ASPSCR1: variants seen among roughly 807,000 people sequenced by gnomAD.
ASPSCR1 encodes the protein ASPSCR1 tether for SLC2A4, UBX domain containing.
A neutral mutation model predicts 68.9 loss-of-function variants in ASPSCR1; 55 were observed. The observed-to-expected ratio is 0.80, with a 90% confidence interval of 0.64 to 1.00. ASPSCR1 has a LOEUF of 1.00. Ranked by LOEUF, ASPSCR1 falls within the 50% of genes least tolerant of loss-of-function variation. The pLI is 0.00. For synonymous variants in ASPSCR1, 352 were observed against 332.6 expected (o/e 1.06, Z -0.63); for missense variants, 765 against 762.2 (o/e 1.00, Z -0.04).
intron 4 of ASPSCR1, among the ~76,000 whole-genome samples, chr17:81,992,114 G>A (rs960670321): frequency 6.6e-6 from 1 of 152,226 alleles, no homozygotes; most frequent in Non-Finnish European, 1.5e-5. Flanking sequence ...CCGCGGAAGC[G>A]CCCCAAAGCA....
In ASPSCR1 at chr17:81,990,873, T is replaced by C. The variant is rs2042139687; in HGVS notation, c.375-3948T>C. ...AGGCACTAGCCCCAGGAGGTCATAC[T>C]GTGACTCGGGGGATACTGTAGCACG... is the stretch of plus-strand genomic sequence containing the variant. On this transcript the variant is annotated intron_variant, in intron 4 of 15. Coordinates refer to ENST00000306739, the MANE Select transcript of ASPSCR1 (RefSeq NM_024083.4). This position sits in a 1 kb window ranked among gnomAD's most constrained non-coding sequence, Gnocchi z 4.1. Among the ~76,000 whole-genome samples the C allele has an allele frequency of 6.6e-6, 1 of 152,138 alleles. No individual in the cohort carries two copies.
rs2042464321 is a variant in ASPSCR1, at chr17:81,999,671, CTG to C, written c.933+2828_933+2829del. On this transcript the variant is annotated intron_variant, in intron 7 of 15. Transcript: ENST00000306739. This position sits in a 1 kb window ranked among gnomAD's most constrained non-coding sequence, Gnocchi z 4.4. ...AAAACAAGAAGTGGCCAGGAGGGCT[CTG>C]TGCACATGGCCCCGGCCTCGGCTGT... Among the ~76,000 whole-genome samples, 1 of 151,970 alleles carries C rather than the reference CTG, an allele frequency of 6.6e-6. No homozygotes were observed. Among genetic ancestry groups the C allele is most frequent in the Non-Finnish European group, 1.5e-5 (1 of 67,964 alleles).
rs71166183 is a variant in ASPSCR1 at position 82,002,003 on chromosome 17, C to CTTTTTTTTT, written c.933+5171_933+5179dup. Among the ~76,000 whole-genome samples, 3 of 93,808 alleles carry CTTTTTTTTT rather than the reference C, an allele frequency of 3.2e-5. No individual in the cohort carries two copies. In the Admixed American group the frequency reaches 4.1e-4, roughly 13 times the overall value. 61.5% of individuals were successfully genotyped at this position (93,808 alleles called of 152,430 possible). A position where few individuals can be genotyped will look rare whatever the true frequency, so the allele number is the denominator to read the frequency against. On this transcript the variant is annotated intron_variant, in intron 7 of 15. Coordinates refer to ENST00000306739, the MANE Select transcript of ASPSCR1 (RefSeq NM_024083.4). ...TTCTTTTCTTTTTTTTTTCTTTTTC[C>CTTTTTTTTT]TTTTTTTTTTTTTTTTTTTTTTGAG...
chr17:82,007,669 GGCTCT>G (rs1360201849), intron 7 of ASPSCR1: 2 of 152,294 alleles, frequency 1.3e-5, no homozygotes, highest in Non-Finnish European at 2.9e-5. Context: ...CCTCCAGGGA[GGCTCT>G]GGACCAGGCT....
intron 12 of ASPSCR1, 112 bp downstream of exon 12, chr17:82,012,395 T>TAATA: frequency 7.6e-7 from 1 of 1,311,258 alleles, no homozygotes. Flanking sequence ...TGGGGCAGGA[T>TAATA]AATAAAGCCT....
chr17:81,997,247 G>A (rs2042382344), intron 7 of ASPSCR1, among the ~76,000 whole-genome samples: 1 of 152,116 alleles, frequency 6.6e-6, no homozygotes, highest in Admixed American at 6.5e-5. Flanking sequence ...GAGGGCAGCA[G>A]CTCAGGGCAT....
intron 1 of ASPSCR1, 29 bp from the exon 2 acceptor site, chr17:81,979,155 A>C: frequency 1.2e-6 from 2 of 1,612,680 alleles, no homozygotes; most frequent in Non-Finnish European, 1.7e-6. Context: ...CACACTCAGC[A>C]GTTCACCATC....
At chr17:82,015,211 G>C in intron 12 of ASPSCR1, 1 of 1,598,246 alleles carries the variant, frequency 6.3e-7, no homozygotes, top group South Asian at 1.1e-5. Context: ...CTTTTTTGGG[G>C]TCCATCCAGA....
At chr17:81,985,943 T>C (rs1235207119) in intron 4 of ASPSCR1, among the ~76,000 whole-genome samples, 1 of 152,162 alleles carries the variant, frequency 6.6e-6, no homozygotes, top group Non-Finnish European at 1.5e-5. Flanking sequence ...CTCCCCATGC[T>C]TGATTCCCCT....
At chr17:81,989,784 C>A (rs901101399) in intron 4 of ASPSCR1, among the ~76,000 whole-genome samples, 4 of 152,180 alleles carry the variant, frequency 2.6e-5, no homozygotes, top group African/African-American at 9.7e-5. Flanking sequence ...TACCAGCGAG[C>A]CACACGTCGG....
intron 13 of ASPSCR1, 73 bp from the exon 14 acceptor site, chr17:82,016,727 G>A: frequency 6.5e-7 from 1 of 1,537,064 alleles, no homozygotes; most frequent in Non-Finnish European, 8.8e-7. Flanking sequence ...CTGAGTGCTG[G>A]TGGGCAGATG....
intron 3 of ASPSCR1, 95 bp from the exon 4 acceptor site, chr17:81,985,412 A>G (rs923276751): frequency 1.1e-5 from 14 of 1,320,430 alleles, no homozygotes; most frequent in Non-Finnish European, 1.3e-5. Flanking sequence ...AGGGCGGGGC[A>G]GTCACCCTCT....
chr17:82,001,589 G>A (rs2042533147), intron 7 of ASPSCR1, among the ~76,000 whole-genome samples: 1 of 152,188 alleles, frequency 6.6e-6, no homozygotes, highest in South Asian at 2.1e-4. Context: ...ACCCCGGGGG[G>A]TAGGGGGTGG....
chr17:82,012,032 G>A, intron 11 of ASPSCR1, 199 bp from the exon 12 acceptor site: 2 of 704,648 alleles, frequency 2.8e-6, no homozygotes, highest in Non-Finnish European at 5.0e-6. Context: ...TCCCCTGCAG[G>A]TGGGCCTGCC....
In ASPSCR1 at chr17:81,982,312, G is replaced by A. The variant is rs578089575; in HGVS notation, c.159-1242G>A. Reference sequence around the variant, plus strand: ...TTCACCTGCCCGTGGTCTGTGTGGTGGTGTCTGGTGGGAACCAGTGAGTGC... The same window carrying A: ...TTCACCTGCCCGTGGTCTGTGTGGTAGTGTCTGGTGGGAACCAGTGAGTGC... On this transcript the variant is annotated intron_variant, in intron 2 of 15. Coordinates refer to ENST00000306739, the MANE Select transcript of ASPSCR1 (RefSeq NM_024083.4). Among the ~76,000 whole-genome samples the A allele has an allele frequency of 3.9e-5, 6 of 152,350 alleles. No homozygotes were observed. The East Asian group carries it at 5.8e-4, about 15-fold the overall frequency.
chr17:81,981,580 T>C (rs1253400806), intron 2 of ASPSCR1, among the ~76,000 whole-genome samples: 1 of 152,078 alleles, frequency 6.6e-6, no homozygotes, highest in Non-Finnish European at 1.5e-5. Context: ...GGTTTCACCA[T>C]GTTGGTCATG....
Position 82,012,606 on chromosome 17 carries a change from G to T in ASPSCR1, c.1353+323G>T, listed in dbSNP as rs1422666082. Among the ~76,000 whole-genome samples, 5 of 152,272 alleles carry T rather than the reference G, an allele frequency of 3.3e-5. No homozygotes were observed. In the East Asian group the frequency reaches 9.7e-4, roughly 29 times the overall value. On this transcript the variant is annotated intron_variant, in intron 12 of 15. Transcript: ENST00000306739. ...AGGCGGCAGCAGTCCCTGCCCAGGG[G>T]TCTGGGTGAGGAAGGGCCCGGCAGG...
Position 82,016,491 on chromosome 17 carries a change from GC to G in ASPSCR1, c.1371del (p.Ala458LeufsTer78). ...QTLFQANLFPAALVHLGAEEP... is the reference protein window; with the variant it reads ...QTLFQANLFPXALVHLGAEEP... The stretch of plus-strand genomic sequence containing the variant: ...CTCCCTGCAGGCGAACCTCTTCCCG[GC>G]CGCTCTGGTGCACTTGGGAGCCGAG... On this transcript the variant is annotated frameshift_variant, in exon 13 of 16. Transcript: ENST00000306739. LOFTEE classifies it high-confidence loss of function. The G allele has an allele frequency of 6.5e-7, 1 of 1,548,850 alleles. No individual in the cohort carries two copies. Among genetic ancestry groups the G allele is most frequent in the Non-Finnish European group, 8.7e-7 (1 of 1,147,138 alleles).
At position 81,996,531 on chromosome 17, in the gene ASPSCR1, G is replaced by A; in HGVS notation, c.618G>A (p.Glu206=). Residue 206 remains glutamate (E), a synonymous_variant, in exon 7 of 16, where the codon GAG becomes GAA. Transcript: ENST00000306739. ...CTCCACTTCCCTTGGAATCTGGGGA[G>A]CTCAGCCGCGGCGACTTGAGCCGTC... ...ASAPLPLESG[E]LSRGDLSRPE... is the part of the protein sequence containing the mutation. The A allele has an allele frequency of 6.2e-7, 1 of 1,612,774 alleles. No homozygotes were observed. The highest frequency in any genetic ancestry group is 8.5e-7 in the Non-Finnish European group (1 of 1,179,646).
Sources: allele counts gnomAD v4.1 joint callset (sites outside exome capture counted in the v4.1 genomes callset), GRCh38; gene constraint gnomAD v4.1.1; non-coding constraint Gnocchi (gnomAD v3.1); transcripts MANE v1.5; gene names NCBI Gene and HGNC (gene_info 2026-07-23, HGNC 2026-07-21).